The following MCF2L variants were observed in gnomAD, a reference collection of about 807,000 sequenced individuals.
MCF2L encodes MCF.2 cell line derived transforming sequence like.
MCF2L carries 97 observed loss-of-function variants against 153.4 expected under a neutral mutation model. The observed-to-expected ratio is 0.63, with a 90% CI of 0.54 to 0.75. MCF2L has a LOEUF of 0.75. Ranked by LOEUF, MCF2L falls within the 30% of genes least tolerant of loss-of-function variation. The pLI is 0.00. For synonymous variants in MCF2L, 659 were observed against 632.2 expected (o/e 1.04, Z -0.64); for missense variants, 1,347 against 1,495.2 (o/e 0.90, Z 1.64).
chr13:113,007,916 C>CT lies in MCF2L; in HGVS notation c.80-6829dup, dbSNP rs55800416. Among the ~76,000 whole-genome samples the CT allele has an allele frequency of 4.3e-3, 488 of 112,930 alleles. 3 individuals carry two copies. Among genetic ancestry groups the CT allele is most frequent in the African/African-American group, 0.015 (462 of 30,824 alleles). The allele number at this position is 112,930 out of a possible 152,430, so 74.1% of individuals were successfully genotyped here. On this transcript the variant is annotated intron_variant, in intron 1 of 29. Transcript: ENST00000535094. ...TTTAGTATGTGTATCTTTTCTTTTT[C>CT]TTTTTTTTTTTTTTTTTTGAGATGG...
intron 1 of MCF2L, among the ~76,000 whole-genome samples, chr13:112,973,175 G>A (rs371243203): frequency 5.9e-5 from 9 of 152,116 alleles, no homozygotes; most frequent in East Asian, 1.9e-4. Flanking sequence ...TCTGACGGAC[G>A]CCTTAGCACT....
At chr13:113,051,046 C>T (rs1227890189) in intron 4 of MCF2L, among the ~76,000 whole-genome samples, 1 of 152,156 alleles carries the variant, frequency 6.6e-6, no homozygotes, top group Non-Finnish European at 1.5e-5. Context: ...CCCAGCTCTT[C>T]CCGGTGTGGC....
At chr13:113,065,956 C>G (rs529238615) in intron 7 of MCF2L, 90 bp from the exon 8 acceptor site, 2 of 1,403,110 alleles carry the variant, frequency 1.4e-6, no homozygotes, top group South Asian at 2.8e-5. Flanking sequence ...GTCCCCGCCC[C>G]CTCAAGAGCA....
intron 2 of MCF2L, among the ~76,000 whole-genome samples, chr13:113,016,652 C>A: frequency 6.6e-6 from 1 of 152,122 alleles, no homozygotes. Flanking sequence ...ATCCTGCCCA[C>A]CCCCTGGAGG....
chr13:113,026,549 A>G (rs1376953115), intron 3 of MCF2L, among the ~76,000 whole-genome samples: 1 of 152,116 alleles, frequency 6.6e-6, no homozygotes, highest in Non-Finnish European at 1.5e-5. Flanking sequence ...TCCCTCGTAT[A>G]CCATCACTGC....
chr13:112,921,953 AAAAC>A (rs758856020), intron 2 of MCF2L, among the ~76,000 whole-genome samples: 1 of 152,226 alleles, frequency 6.6e-6, no homozygotes, highest in Admixed American at 6.5e-5. Flanking sequence ...AAAGAACAAT[AAAAC>A]AAGCCACAAA....
Position 113,045,138 on chromosome 13 carries a change from C to G in MCF2L, c.279-133C>G. 2 of 934,330 alleles carry G rather than the reference C, an allele frequency of 2.1e-6. No homozygotes were observed. Among genetic ancestry groups the G allele is most frequent in the Non-Finnish European group, 3.4e-6 (2 of 584,226 alleles). The allele number at this position is 934,330 out of a possible 1,614,324, so 57.9% of individuals were successfully genotyped here. On this transcript the variant is annotated intron_variant, in intron 3 of 29. Transcript: ENST00000535094. The surrounding 1 kb of genome is among the most constrained non-coding windows in gnomAD (Gnocchi z 4.2). ...CTGCCGGGGCCCCCGTGTGCCATGC[C>G]TCTCACCTGGTATTGCAGAAATGGC...
chr13:113,096,301 C>G, intron 27 of MCF2L, 70 bp from the exon 28 acceptor site: 1 of 1,254,608 alleles, frequency 8.0e-7, no homozygotes. Context: ...CGGCACTCCG[C>G]CTGGCTGCTG....
Position 113,096,359 on chromosome 13 carries a change from G to C in MCF2L, c.3076-12G>C. The C allele has an allele frequency of 1.4e-5, 21 of 1,551,434 alleles. No homozygotes were observed. Among genetic ancestry groups the C allele is most frequent in the Non-Finnish European group, 1.8e-5 (21 of 1,145,532 alleles). On this transcript the variant is annotated splice_polypyrimidine_tract_variant and intron_variant, in intron 27 of 29. Coordinates refer to ENST00000535094, the MANE Select transcript of MCF2L (RefSeq NM_001112732.3). Reference sequence around the variant, plus strand: ...GCTGACGCTGTCTGTGCCCCTGCCCGTCTCCCACCAGGTTCCAGGTAAATA... The same window carrying C: ...GCTGACGCTGTCTGTGCCCCTGCCCCTCTCCCACCAGGTTCCAGGTAAATA...
intron 27 of MCF2L, chr13:113,096,091 G>A (rs2035623762): frequency 5.5e-6 from 3 of 544,782 alleles, no homozygotes; most frequent in South Asian, 2.1e-5. Flanking sequence ...GTATGCAGGC[G>A]CAAAGGCCCT....
intron 5 of MCF2L, 73 bp downstream of exon 5, chr13:113,060,785 C>T (rs2031266451): frequency 7.6e-6 from 12 of 1,574,754 alleles, no homozygotes; most frequent in Admixed American, 5.2e-5. Context: ...CTGTGATCAT[C>T]GAAATCCTCG....
intron 1 of MCF2L, among the ~76,000 whole-genome samples, chr13:112,898,560 T>A (rs200625457): frequency 6.6e-6 from 1 of 152,138 alleles, no homozygotes; most frequent in Non-Finnish European, 1.5e-5. Flanking sequence ...CCCACGGCCA[T>A]GCAGGCCCTG....
At chr13:112,980,675 C>T (rs935558536) in intron 1 of MCF2L, among the ~76,000 whole-genome samples, 46 of 5,830 alleles carry the variant, frequency 7.9e-3, no homozygotes, top group Non-Finnish European at 0.045. Flanking sequence ...GCCTTGGGCA[C>T]GGACAGAGCC....
intron 2 of MCF2L, among the ~76,000 whole-genome samples, chr13:112,926,058 C>T (rs1482872501): frequency 6.6e-6 from 1 of 152,118 alleles, no homozygotes; most frequent in Non-Finnish European, 1.5e-5. Context: ...TCACAGTAGC[C>T]AAGATATGGG....
chr13:113,078,674 G>A lies in MCF2L; in HGVS notation c.1743G>A (p.Met581Ile). 6.2e-7 allele frequency: 1 copy of A among 1,612,166 alleles called. No homozygotes were observed. Among genetic ancestry groups the A allele is most frequent in the Non-Finnish European group, 8.5e-7 (1 of 1,179,732 alleles). The change falls in exon 15 of 30, where the codon ATG becomes ATA. Residue 581 changes from methionine (M) to isoleucine (I), a missense_variant. Physicochemically the swap from Met to Ile is conservative, Grantham distance 10. This residue lies in a region of MCF2L where 820 missense variants were observed against 921.2 expected (regional missense o/e 0.89). Transcript: ENST00000535094. ...RGPYRRAKSE[M>I]SESRQGRGSA... The stretch of plus-strand genomic sequence containing the variant: ...GCTGTTTTTCTCCCCAGAGTGAGAT[G>A]AGTGAGAGCCGGCAGGGCCGCGGCT...
intron 2 of MCF2L, chr13:112,917,324 C>T (rs1647644194): frequency 5.4e-6 from 2 of 372,644 alleles, no homozygotes; most frequent in Non-Finnish European, 5.3e-6. Flanking sequence ...GTTCCTTTGG[C>T]CAGAAACCCC....
chr13:112,969,152 T>A, upstream of MCF2L: 1 of 400,948 alleles, frequency 2.5e-6, no homozygotes, highest in Non-Finnish European at 3.7e-6. This position sits in a 1 kb window ranked among gnomAD's most constrained non-coding sequence, Gnocchi z 4.8. Flanking sequence ...GCGCGCCGCT[T>A]CCGCTTCCGC....
chr13:112,894,976 G>A (rs902197388), intron 1 of MCF2L, among the ~76,000 whole-genome samples: 3 of 151,614 alleles, frequency 2.0e-5, no homozygotes, highest in East Asian at 2.0e-4. Context: ...CTGGGGTCGG[G>A]CCCACATCTG....
chr13:113,025,228 G>A, intron 3 of MCF2L, among the ~76,000 whole-genome samples: 2 of 111,700 alleles, frequency 1.8e-5, no homozygotes, highest in African/African-American at 3.4e-5. Flanking sequence ...CTGTGGGTCG[G>A]GGCAGAGTCC....
Sources: gnomAD v4.1 joint callset for allele counts (sites outside exome capture counted in the v4.1 genomes callset) on GRCh38, gnomAD v4.1.1 for gene constraint, gnomAD v4.1.1 regional missense constraint, Gnocchi (gnomAD v3.1) non-coding constraint, MANE v1.5 for transcripts, NCBI Gene and HGNC (gene_info 2026-07-23, HGNC 2026-07-21) for gene names.